ELAPOR2: variants seen among roughly 807,000 people sequenced by gnomAD.
ELAPOR2 encodes endosome/lysosome-associated apoptosis and autophagy regulator family member 2.
Under a neutral mutation model 120.7 loss-of-function variants are expected in ELAPOR2, and 89 were observed. The observed-to-expected ratio is 0.74, with a 90% CI of 0.62 to 0.88. The LOEUF (loss-of-function observed/expected upper bound fraction) is 0.88, where lower values mean the gene tolerates loss of function less well. ELAPOR2 is among the 40% of genes least tolerant of loss of function. The probability of loss-of-function intolerance (pLI) is 0.00; values close to 1 mark genes in which losing one functional copy is unlikely to be tolerated. For synonymous variants in ELAPOR2, 444 were observed against 444.9 expected (o/e 1.00, Z 0.03); for missense variants, 1,134 against 1,251.6 (o/e 0.91, Z 1.42).
rs182364113 is a variant in ELAPOR2, at chr7:87,040,957, G to T, written c.189+18368C>A. On this transcript the variant is annotated intron_variant, in intron 1 of 21. Transcript: ENST00000450689. ...CTGAAAACCAAGGCTCAAGAACTACGTGAAGAATGGAGAAGCCTCAGGAGC... is the reference window on the plus strand; with the variant it reads ...CTGAAAACCAAGGCTCAAGAACTACTTGAAGAATGGAGAAGCCTCAGGAGC... Among the ~76,000 whole-genome samples, 861 of 152,060 alleles carry T rather than the reference G, an allele frequency of 5.7e-3. 6 individuals are homozygous for T. The highest frequency in any genetic ancestry group is 9.1e-3 in the Non-Finnish European group (620 of 68,016).
At chr7:86,924,604 A>G (rs1562925265) in intron 10 of ELAPOR2, among the ~76,000 whole-genome samples, 1 of 151,938 alleles carries the variant, frequency 6.6e-6, no homozygotes. Flanking sequence ...TTGTTGGTCA[A>G]TAATGAAGAC....
At chr7:86,944,126 T>C (rs1436261057) in intron 4 of ELAPOR2, among the ~76,000 whole-genome samples, 1 of 152,070 alleles carries the variant, frequency 6.6e-6, no homozygotes, top group African/African-American at 2.4e-5. Context: ...TGCAGAAACA[T>C]TTTTCAAGAT....
In ELAPOR2 at chr7:86,942,094, T is replaced by C; in HGVS notation, c.665A>G (p.Asp222Gly). ...GGTGGTGTCCATCTCCTGGCACTGA[T>C]CATTTTGAATCTGTGGATTAAACAC... ...NIFFEFFIQN[D>G]QCQEMDTTTD... The change falls in exon 5 of 22, where the codon GAT becomes GGT. Residue 222 changes from aspartate (D) to glycine (G), a missense_variant. Coordinates refer to ENST00000450689, the MANE Select transcript of ELAPOR2 (RefSeq NM_001142749.3). The C allele has an allele frequency of 6.5e-7, 1 of 1,544,536 alleles. No homozygotes were observed. Among genetic ancestry groups the C allele is most frequent in the South Asian group, 1.2e-5 (1 of 83,840 alleles).
intron 19 of ELAPOR2, among the ~76,000 whole-genome samples, chr7:86,893,888 C>A (rs986796956): frequency 6.6e-6 from 1 of 152,004 alleles, no homozygotes; most frequent in African/African-American, 2.4e-5. Flanking sequence ...AATCCAAGTA[C>A]AGCATATGGT....
At chr7:87,056,635 G>T (rs1470600149) in intron 1 of ELAPOR2, among the ~76,000 whole-genome samples, 1 of 152,122 alleles carries the variant, frequency 6.6e-6, no homozygotes, top group Non-Finnish European at 1.5e-5. Flanking sequence ...TTTGACAAAG[G>T]AATATGTATT....
chr7:87,058,869 G>C (rs1315723241), intron 1 of ELAPOR2, among the ~76,000 whole-genome samples: 1 of 152,052 alleles, frequency 6.6e-6, no homozygotes, highest in African/African-American at 2.4e-5. Flanking sequence ...GGAGTAGGAC[G>C]AAGGCGTTTG....
chr7:86,998,052 AGT>A (rs951502902), intron 1 of ELAPOR2, among the ~76,000 whole-genome samples: 31 of 152,180 alleles, frequency 2.0e-4, no homozygotes, highest in African/African-American at 7.2e-4. Flanking sequence ...ACTAACGGGA[AGT>A]CTAGAAAATG....
intron 8 of ELAPOR2, among the ~76,000 whole-genome samples, chr7:86,937,139 G>A (rs1362381595): frequency 6.6e-6 from 1 of 152,036 alleles, no homozygotes; most frequent in Admixed American, 6.6e-5. Flanking sequence ...GTTAACAGCT[G>A]TTAGTTTGAG....
chr7:86,924,267 A>T (rs1204686073), intron 10 of ELAPOR2, among the ~76,000 whole-genome samples: 3 of 152,060 alleles, frequency 2.0e-5, no homozygotes, highest in African/African-American at 4.8e-5. Context: ...GACTCTCAGT[A>T]AATGAGTAAG....
chr7:87,023,901 T>C (rs1794150461), intron 1 of ELAPOR2, among the ~76,000 whole-genome samples: 1 of 152,210 alleles, frequency 6.6e-6, no homozygotes, highest in Admixed American at 6.5e-5. Flanking sequence ...CTTGTGATTT[T>C]TGCACACTGA....
intron 1 of ELAPOR2, among the ~76,000 whole-genome samples, chr7:87,035,973 T>A (rs1285000934): frequency 1.3e-5 from 2 of 152,230 alleles, no homozygotes; most frequent in Non-Finnish European, 2.9e-5. Flanking sequence ...AACCCAAGTA[T>A]TATTTAAAAT....
intron 2 of ELAPOR2, among the ~76,000 whole-genome samples, chr7:86,962,159 C>T (rs1054037418): frequency 2.6e-5 from 4 of 152,172 alleles, no homozygotes; most frequent in Non-Finnish European, 5.9e-5. Context: ...CTTTAAAAAA[C>T]AAATATATAA....
chr7:86,926,941 A>AG, intron 8 of ELAPOR2, 25 bp from the exon 9 acceptor site: 3 of 1,422,874 alleles, frequency 2.1e-6, no homozygotes, highest in Admixed American at 2.5e-5. Flanking sequence ...AAAAAAAAAA[A>AG]GCAACCAAGT....
intron 12 of ELAPOR2, among the ~76,000 whole-genome samples, 164 bp downstream of exon 12, chr7:86,918,278 T>G (rs1469152863): frequency 6.7e-6 from 1 of 150,032 alleles, no homozygotes; most frequent in Non-Finnish European, 1.5e-5. Context: ...TTCTTAATTA[T>G]TTCTTCAGAC....
At chr7:86,935,657 G>A (rs958372692) in intron 8 of ELAPOR2, among the ~76,000 whole-genome samples, 3 of 151,610 alleles carry the variant, frequency 2.0e-5, no homozygotes, top group African/African-American at 7.3e-5. Flanking sequence ...AGAAAATCTG[G>A]GACAGGGCCT....
chr7:87,049,342 C>T (rs62488057), intron 1 of ELAPOR2, among the ~76,000 whole-genome samples: 317 of 151,900 alleles, frequency 2.1e-3, no homozygotes, highest in Non-Finnish European at 3.5e-3. Context: ...AGTGCAGTGT[C>T]CTGATCTCGG....
intron 18 of ELAPOR2, among the ~76,000 whole-genome samples, chr7:86,904,305 TC>T (rs2115986903): frequency 6.6e-6 from 1 of 152,294 alleles, no homozygotes; most frequent in East Asian, 1.9e-4. Flanking sequence ...TCTAAATTCT[TC>T]CCAATAAAAG....
At chr7:87,039,887 C>G (rs1405808009) in intron 1 of ELAPOR2, among the ~76,000 whole-genome samples, 2 of 152,106 alleles carry the variant, frequency 1.3e-5, no homozygotes, top group African/African-American at 2.4e-5. Flanking sequence ...GAGTGCCAGA[C>G]AGAGGGCGCA....
chr7:86,912,806 G>T, intron 14 of ELAPOR2, 135 bp downstream of exon 14: 1 of 1,029,558 alleles, frequency 9.7e-7, no homozygotes, highest in Non-Finnish European at 1.4e-6. Flanking sequence ...GGAGAAAACA[G>T]AAATGGTAAG....
Sources: gnomAD v4.1 joint callset for allele counts (sites outside exome capture counted in the v4.1 genomes callset) on GRCh38, gnomAD v4.1.1 for gene constraint, MANE v1.5 for transcripts, NCBI Gene and HGNC (gene_info 2026-07-23, HGNC 2026-07-21) for gene names.